The following VPS37C variants were observed in gnomAD, a reference collection of about 807,000 sequenced individuals.
VPS37C encodes VPS37C subunit of ESCRT-I, also known as vacuolar protein sorting-associated protein 37C.
VPS37C carries 9 observed loss-of-function variants against 16.1 expected under a neutral mutation model. The ratio of observed to expected loss-of-function variants is 0.56; its 90% CI spans 0.34 to 0.97. The LOEUF is 0.97. Among genes scored for constraint, VPS37C ranks in the 50% least tolerant of loss-of-function variants. The pLI, the probability that VPS37C is intolerant of heterozygous loss-of-function variation, is 0.02. For synonymous variants in VPS37C, 207 were observed against 206.4 expected (o/e 1.00, Z -0.02); for missense variants, 479 against 472.7 (o/e 1.01, Z -0.12).
At chr11:61,137,216 T>C (rs1022527054) in intron 2 of VPS37C, among the ~76,000 whole-genome samples, 1 of 152,114 alleles carries the variant, frequency 6.6e-6, no homozygotes, top group Non-Finnish European at 1.5e-5. Flanking sequence ...CCCGAACTAA[T>C]AGAGAGCTCC....
intron 1 of VPS37C, among the ~76,000 whole-genome samples, chr11:61,149,290 T>C (rs1853263681): frequency 6.6e-6 from 1 of 152,040 alleles, no homozygotes; most frequent in African/African-American, 2.4e-5. Flanking sequence ...CATCTCAAAG[T>C]AAACAAACAA....
rs762958498 is a variant in VPS37C, at chr11:61,138,872, GC to G, written c.-6-38del. 3.1e-6 allele frequency: 5 copies of G among 1,600,868 alleles called. No individual in the cohort carries two copies. The South Asian group carries it at 5.5e-5, about 18-fold the overall frequency. On this transcript the variant is annotated intron_variant, in intron 1 of 4. Coordinates refer to ENST00000301765, the MANE Select transcript of VPS37C (RefSeq NM_017966.5). ...GTGACACCAAAGTAACGAACAGGCA[GC>G]CCAAGACGAAGGGACCCCCGAGCCT...
intron 1 of VPS37C, among the ~76,000 whole-genome samples, chr11:61,146,053 G>C (rs1293214369): frequency 1.3e-5 from 2 of 152,244 alleles, no homozygotes; most frequent in African/African-American, 4.8e-5. Context: ...CCCAAGCCCA[G>C]CAGACTGGCT....
chr11:61,140,010 T>C (rs1048685553), intron 1 of VPS37C, among the ~76,000 whole-genome samples: 1 of 152,214 alleles, frequency 6.6e-6, no homozygotes, highest in African/African-American at 2.4e-5. Context: ...CCCAAGGTGC[T>C]GGGATTACAG....
At position 61,133,240 on chromosome 11, in the gene VPS37C, G is replaced by A. The variant is rs761333466; in HGVS notation, c.348+15C>T. ...ACCCCGTCCAGGGAAGAGGGGTGTCGCCTCGCCCTCTCACCTCGGACTCTT... is the reference window on the plus strand; with the variant it reads ...ACCCCGTCCAGGGAAGAGGGGTGTCACCTCGCCCTCTCACCTCGGACTCTT... On this transcript the variant is annotated intron_variant, in intron 4 of 4. Coordinates refer to ENST00000301765, the MANE Select transcript of VPS37C (RefSeq NM_017966.5). 1.5e-5 allele frequency: 24 copies of A among 1,613,252 alleles called. 1 individual carries two copies. The highest frequency in any genetic ancestry group is 1.3e-4 in the South Asian group (12 of 91,010).
Position 61,131,868 on chromosome 11 carries a change from A to AG in VPS37C, c.1019dup (p.Pro341SerfsTer111). ...CCGGCGGTGGTGGGAACCCATAGGG[A>AG]GGGGCGGGCCCGGGGGGATAAGGGG... On this transcript the variant is annotated frameshift_variant, in exon 5 of 5. Transcript: ENST00000301765. LOFTEE classifies it high-confidence loss of function. 2.1e-6 allele frequency: 2 copies of AG among 936,682 alleles called. No individual in the cohort carries two copies. Among genetic ancestry groups the AG allele is most frequent in the Non-Finnish European group, 2.6e-6 (2 of 779,654 alleles). 58.0% of individuals were successfully genotyped at this position (936,682 alleles called of 1,614,324 possible). A position where few individuals can be genotyped will look rare whatever the true frequency, so the allele number is the denominator to read the frequency against.
At chr11:61,149,147 G>A (rs997661225) in intron 1 of VPS37C, among the ~76,000 whole-genome samples, 4 of 152,324 alleles carry the variant, frequency 2.6e-5, no homozygotes, top group South Asian at 4.1e-4. Context: ...TTAGCTGGGC[G>A]TGGTGGCACA....
chr11:61,142,572 T>C (rs1861489610), intron 1 of VPS37C, among the ~76,000 whole-genome samples: 1 of 152,048 alleles, frequency 6.6e-6, no homozygotes, highest in African/African-American at 2.4e-5. Context: ...AAACACTACC[T>C]TCCATTAGCT....
intron 1 of VPS37C, among the ~76,000 whole-genome samples, chr11:61,141,694 T>C (rs1197017296): frequency 6.6e-6 from 1 of 152,074 alleles, no homozygotes; most frequent in African/African-American, 2.4e-5. Flanking sequence ...CGAGGTCCAA[T>C]GGGATAGCAC....
chr11:61,149,110 T>C lies in VPS37C; in HGVS notation c.-6-10275A>G, dbSNP rs184721371. Among the ~76,000 whole-genome samples, 3 of 152,310 alleles carry C rather than the reference T, an allele frequency of 2.0e-5. No individual in the cohort carries two copies. The East Asian group carries it at 5.8e-4, about 29-fold the overall frequency. On this transcript the variant is annotated intron_variant, in intron 1 of 4. Coordinates refer to ENST00000301765, the MANE Select transcript of VPS37C (RefSeq NM_017966.5). ...TCCTAGCTAACATGGTGAAACCCCA[T>C]ATTTATCTACTAAAAATACAAAAAA...
intron 1 of VPS37C, among the ~76,000 whole-genome samples, chr11:61,143,105 C>T (rs1271012313): frequency 1.3e-5 from 2 of 151,578 alleles, no homozygotes; most frequent in African/African-American, 2.4e-5. Context: ...TAAAACAGAG[C>T]GGCGTGCGGA....
rs1336950666 is a variant in VPS37C, at chr11:61,140,357, C to A, written c.-6-1522G>T. ...ACATGTTCCCATGTACCAGGAAGTC[C>A]CAGTGCACTCCTCAGGGGACCCTCC... On this transcript the variant is annotated intron_variant, in intron 1 of 4. Transcript: ENST00000301765. 1.3e-5 allele frequency among the ~76,000 whole-genome samples: 2 copies of A among 152,096 alleles called. 1 individual carries two copies. Among genetic ancestry groups the A allele is most frequent in the South Asian group, 4.1e-4 (2 of 4,832 alleles).
rs1310053322 is a variant in VPS37C at position 61,130,734 on chromosome 11, TTCTGAAGAC to T, written c.*1077_*1085del. 4.8e-6 allele frequency: 2 copies of T among 419,128 alleles called. No homozygotes were observed. The highest frequency in any genetic ancestry group is 9.3e-6 in the Non-Finnish European group (2 of 215,056). The allele number at this position is 419,128 out of a possible 1,614,324, so 26.0% of individuals were successfully genotyped here. The stretch of plus-strand genomic sequence containing the variant: ...AGAGACATAATCCCCACCCTTTACA[TTCTGAAGAC>T]AGGGAGGTGTGAAAAAATTGCCCCT... On this transcript the variant is annotated 3_prime_UTR_variant, in exon 5 of 5. Coordinates refer to ENST00000301765, the MANE Select transcript of VPS37C (RefSeq NM_017966.5).
At chr11:61,157,581 C>T (rs1000971805) in intron 1 of VPS37C, among the ~76,000 whole-genome samples, 8 of 152,058 alleles carry the variant, frequency 5.3e-5, no homozygotes, top group African/African-American at 1.7e-4. Context: ...ACTTTTGAAT[C>T]GGGTTGTTTT....
chr11:61,137,343 C>T (rs565241720), intron 2 of VPS37C, among the ~76,000 whole-genome samples: 13 of 152,314 alleles, frequency 8.5e-5, no homozygotes, highest in South Asian at 4.1e-4. Context: ...ACCTGATCCA[C>T]GAGTGTTTTT....
At chr11:61,159,945 T>C (rs1565198256) in intron 1 of VPS37C, among the ~76,000 whole-genome samples, 1 of 150,248 alleles carries the variant, frequency 6.7e-6, no homozygotes. Flanking sequence ...CTTGGCCACT[T>C]ACTGGCTGTG....
At chr11:61,133,474 T>A in intron 3 of VPS37C, 137 bp from the exon 4 acceptor site, 1 of 814,820 alleles carries the variant, frequency 1.2e-6, no homozygotes, top group Non-Finnish European at 1.9e-6. Flanking sequence ...CTGGGTGGGC[T>A]TGATGAGCAC....
At position 61,131,951 on chromosome 11, in the gene VPS37C, T is replaced by C. The variant is rs1590781749; in HGVS notation, c.937A>G (p.Ile313Val). ...GGAAAGCTGGGGAGCTGAGGCTGTA[T>C]TGGGTAGGGAGGTTTTCCTCCTGTT... ...PATGGKPPYP[I>V]QPQLPSFPGQ... Residue 313 changes from isoleucine to valine, a missense_variant, in exon 5 of 5, where the codon ATA becomes GTA. Coordinates refer to ENST00000301765, the MANE Select transcript of VPS37C (RefSeq NM_017966.5). 5.4e-6 allele frequency: 7 copies of C among 1,300,830 alleles called. No homozygotes were observed. The East Asian group carries it at 1.9e-4, about 35-fold the overall frequency. The allele number at this position is 1,300,830 out of a possible 1,614,324, so 80.6% of individuals were successfully genotyped here.
At chr11:61,141,693 A>G (rs1024915221) in intron 1 of VPS37C, among the ~76,000 whole-genome samples, 1 of 152,178 alleles carries the variant, frequency 6.6e-6, no homozygotes, top group Non-Finnish European at 1.5e-5. Flanking sequence ...GCGAGGTCCA[A>G]TGGGATAGCA....
Sources: allele counts gnomAD v4.1 joint callset (sites outside exome capture counted in the v4.1 genomes callset), GRCh38; gene constraint gnomAD v4.1.1; transcripts MANE v1.5; gene names NCBI Gene and HGNC (gene_info 2026-07-23, HGNC 2026-07-21).